Variants in CTNNA2 observed in about 807,000 individuals in gnomAD.
The protein encoded by CTNNA2 is catenin alpha 2, also known as catenin alpha-2.
Under a neutral mutation model 101.0 loss-of-function variants are expected in CTNNA2, and 42 were observed. That is an observed-to-expected ratio of 0.42 (90% CI 0.32 to 0.54). The LOEUF (loss-of-function observed/expected upper bound fraction) is 0.54, where lower values mean the gene tolerates loss of function less well. Ranked by LOEUF, CTNNA2 falls within the 20% of genes least tolerant of loss-of-function variation. The probability of loss-of-function intolerance (pLI) is 0.14; values close to 1 mark genes in which losing one functional copy is unlikely to be tolerated. For synonymous variants in CTNNA2, 450 were observed against 456.4 expected (o/e 0.99, Z 0.18); for missense variants, 871 against 1,223.1 (o/e 0.71, Z 4.29).
chr2:80,607,563 G>T (rs1331270757), intron 16 of CTNNA2, among the ~76,000 whole-genome samples: 8 of 151,888 alleles, frequency 5.3e-5, no homozygotes, highest in Non-Finnish European at 1.0e-4. Flanking sequence ...GCTGGCTTCA[G>T]ATACATTCTG....
In CTNNA2 at chr2:79,288,302, A is replaced by G. The variant is rs188099377; in HGVS notation, c.-405-24407A>G. Among the ~76,000 whole-genome samples the G allele has an allele frequency of 2.3e-3, 346 of 152,266 alleles. 1 individual carries two copies. The highest frequency in any genetic ancestry group is 6.0e-3 in the Admixed American group (92 of 15,296). ...CTTTTATCTTTTTGGTCTTTTCTGA[A>G]TTTACCATCTGTTTGAGTTATCCAT... On this transcript the variant is annotated intron_variant, in intron 2 of 21. Coordinates refer to the CTNNA2 transcript ENST00000466387.
chr2:80,489,293 C>A (rs1190405283), intron 9 of CTNNA2, among the ~76,000 whole-genome samples: 1 of 151,970 alleles, frequency 6.6e-6, no homozygotes, highest in Non-Finnish European at 1.5e-5. Context: ...GGTTTATAAG[C>A]AGCATTTGAT....
At chr2:79,526,668 C>G (rs1216957091) in intron 1 of CTNNA2, among the ~76,000 whole-genome samples, 1 of 151,898 alleles carries the variant, frequency 6.6e-6, no homozygotes, top group Non-Finnish European at 1.5e-5. Flanking sequence ...CGAAATAAAC[C>G]CATATATTTA....
In CTNNA2 at chr2:79,630,200, G is replaced by A. The variant is rs994628478; in HGVS notation, c.-5-21352G>A. On this transcript the variant is annotated intron_variant, in intron 1 of 18. Transcript: ENST00000402739. ...CTTGCCACCTCCTTCACTCACCCAG[G>A]TGCTTCCCCAAGTGGCACTGTAAGG... Among the ~76,000 whole-genome samples the A allele has an allele frequency of 2.6e-5, 4 of 152,136 alleles. No homozygotes were observed. In the East Asian group the frequency reaches 7.7e-4, roughly 29 times the overall value.
At chr2:80,569,712 G>A (rs1309224323) in intron 12 of CTNNA2, among the ~76,000 whole-genome samples, 3 of 135,030 alleles carry the variant, frequency 2.2e-5, no homozygotes, top group East Asian at 2.3e-4. Flanking sequence ...GCACCACCTC[G>A]GCTCACTGCA....
chr2:79,566,312 C>A (rs1675109397), intron 1 of CTNNA2, among the ~76,000 whole-genome samples: 1 of 151,950 alleles, frequency 6.6e-6, no homozygotes, highest in African/African-American at 2.4e-5. Flanking sequence ...TTTGAAGCCA[C>A]AAAGAAAGAC....
At chr2:80,581,116 A>G (rs534687207) in intron 13 of CTNNA2, among the ~76,000 whole-genome samples, 1 of 152,330 alleles carries the variant, frequency 6.6e-6, no homozygotes, top group South Asian at 2.1e-4. Flanking sequence ...CTTCACAGCA[A>G]TCATAGAGGT....
chr2:80,214,605 T>A (rs57451745), intron 7 of CTNNA2, among the ~76,000 whole-genome samples: 1,531 of 152,334 alleles, frequency 0.01, 22 homozygotes, highest in African/African-American at 0.035. Context: ...TGGGCTTCCC[T>A]TTGTGGGTAA....
intron 7 of CTNNA2, among the ~76,000 whole-genome samples, chr2:80,359,394 C>T (rs954508013): frequency 2.0e-5 from 3 of 152,222 alleles, no homozygotes; most frequent in Non-Finnish European, 4.4e-5. Flanking sequence ...ATCTGTATTC[C>T]CACCTAAACT....
chr2:79,871,377 C>A (rs988617913), intron 5 of CTNNA2, among the ~76,000 whole-genome samples: 2 of 151,974 alleles, frequency 1.3e-5, no homozygotes, highest in African/African-American at 2.4e-5. Flanking sequence ...TATGGTAGCC[C>A]AATGTGTAAT....
chr2:79,831,834 C>A (rs1312382977), intron 3 of CTNNA2, among the ~76,000 whole-genome samples: 2 of 148,792 alleles, frequency 1.3e-5, no homozygotes, highest in East Asian at 2.0e-4. Context: ...ATTTGTATTT[C>A]CTGCTTAGTT....
intron 1 of CTNNA2, among the ~76,000 whole-genome samples, chr2:79,558,138 G>A (rs1166853306): frequency 2.0e-5 from 3 of 151,970 alleles, no homozygotes; most frequent in Non-Finnish European, 1.5e-5. Context: ...AACATTCTTA[G>A]TATGTTCAGG....
At chr2:79,961,594 G>C (rs1005111399) in intron 7 of CTNNA2, among the ~76,000 whole-genome samples, 8 of 151,838 alleles carry the variant, frequency 5.3e-5, no homozygotes, top group African/African-American at 1.9e-4. Context: ...AGGCTGAGGC[G>C]GGCGGATCAC....
intron 16 of CTNNA2, among the ~76,000 whole-genome samples, chr2:80,607,716 A>T (rs1698148484): frequency 6.6e-6 from 1 of 151,944 alleles, no homozygotes; most frequent in African/African-American, 2.4e-5. Flanking sequence ...CATTTATTAG[A>T]GAACAAAGGA....
At position 79,778,344 on chromosome 2, in the gene CTNNA2, A is replaced by T. The variant is rs1674149272; in HGVS notation, c.298+33762A>T. Among the ~76,000 whole-genome samples, 3 of 149,222 alleles carry T rather than the reference A, an allele frequency of 2.0e-5. No individual in the cohort carries two copies. In the South Asian group the frequency reaches 6.3e-4, roughly 31 times the overall value. Reference sequence around the variant, plus strand: ...TGGGCTACAGAGTGAGACTCCATCAAAAAAAAAAATAAAAAAAGGCTTATT... The same window carrying T: ...TGGGCTACAGAGTGAGACTCCATCATAAAAAAAAATAAAAAAAGGCTTATT... On this transcript the variant is annotated intron_variant, in intron 3 of 18. Coordinates refer to ENST00000402739, the MANE Select transcript of CTNNA2 (RefSeq NM_001282597.3).
In CTNNA2 at chr2:80,040,905, C is replaced by G. The variant is rs1003741086; in HGVS notation, c.1056+131108C>G. Among the ~76,000 whole-genome samples the G allele has an allele frequency of 5.9e-5, 9 of 152,210 alleles. 1 individual carries two copies. The highest frequency in any genetic ancestry group is 1.4e-4 in the African/African-American group (6 of 41,546). On this transcript the variant is annotated intron_variant, in intron 7 of 18. Transcript: ENST00000402739. ...ATATATGTGTCAAAAAATACATTAACAAGTATGTTGATGATAATAAATAAT... is the reference window on the plus strand; with the variant it reads ...ATATATGTGTCAAAAAATACATTAAGAAGTATGTTGATGATAATAAATAAT...
chr2:80,138,570 G>C (rs1246288114), intron 7 of CTNNA2, among the ~76,000 whole-genome samples: 1 of 151,902 alleles, frequency 6.6e-6, no homozygotes, highest in East Asian at 1.9e-4. Flanking sequence ...GCTTTTTGTG[G>C]GCATCTTCCC....
At chr2:79,691,955 AGGCATG>A (rs1684333149) in intron 2 of CTNNA2, among the ~76,000 whole-genome samples, 1 of 152,182 alleles carries the variant, frequency 6.6e-6, no homozygotes, top group Non-Finnish European at 1.5e-5. Context: ...TTTAGGACAT[AGGCATG>A]GGCAAAGACT....
At chr2:79,665,695 A>G (rs1188820752) in intron 2 of CTNNA2, among the ~76,000 whole-genome samples, 1 of 152,210 alleles carries the variant, frequency 6.6e-6, no homozygotes, top group African/African-American at 2.4e-5. Context: ...TCTTTTTATT[A>G]GTAATTTTGT....
Sources: allele counts gnomAD v4.1 joint callset (sites outside exome capture counted in the v4.1 genomes callset), GRCh38; gene constraint gnomAD v4.1.1; transcripts MANE v1.5; gene names NCBI Gene and HGNC (gene_info 2026-07-23, HGNC 2026-07-21).